DNAH9: variants seen among roughly 807,000 people sequenced by gnomAD.
DNAH9 encodes dynein axonemal heavy chain 9, also known as DNAH9 variant protein.
A neutral mutation model predicts 471.6 loss-of-function variants in DNAH9; 345 were observed. The observed-to-expected ratio is 0.73, with a 90% CI of 0.67 to 0.80. The LOEUF (loss-of-function observed/expected upper bound fraction) is 0.80, where lower values mean the gene tolerates loss of function less well. Among genes scored for constraint, DNAH9 ranks in the 30% least tolerant of loss-of-function variants. The pLI is 0.00. For missense variants in DNAH9, 5,407 were observed against 5,609.2 expected, an observed-to-expected ratio of 0.96 and a Z score of 1.15; for synonymous variants, 2,093 against 2,123.6, an observed-to-expected ratio of 0.99 and a Z score of 0.40.
chr17:11,843,859 G>GTATATATATATA (rs1490566898), intron 49 of DNAH9, among the ~76,000 whole-genome samples: 6,601 of 45,074 alleles, frequency 0.15, 438 homozygotes, highest in Non-Finnish European at 0.17. Context: ...GTGTGTGTGT[G>GTATATATATATA]TGTGTATATA....
intron 1 of DNAH9, among the ~76,000 whole-genome samples, chr17:11,603,798 G>A (rs1439904442): frequency 6.6e-6 from 1 of 152,130 alleles, no homozygotes; most frequent in East Asian, 1.9e-4. Flanking sequence ...CTTCACAGAA[G>A]AGGAATAAAA....
Position 11,612,922 on chromosome 17 carries a change from A to T in DNAH9, c.904+1142A>T, listed in dbSNP as rs1270148773. The T allele has an allele frequency of 2.6e-5, 4 of 152,362 alleles. No individual in the cohort carries two copies. In the East Asian group the frequency reaches 7.7e-4, roughly 29 times the overall value. The allele number at this position is 152,362 out of a possible 1,614,324, so 9.4% of individuals were successfully genotyped here. On this transcript the variant is annotated intron_variant, in intron 4 of 68. Coordinates refer to ENST00000262442, the MANE Select transcript of DNAH9 (RefSeq NM_001372.4). Reference sequence around the variant, plus strand: ...CGAATCCAGGCATGTTTGGTTTAGTAAAAAGGGCAGTGTCCTGTGCCCAGA... The same window carrying T: ...CGAATCCAGGCATGTTTGGTTTAGTTAAAAGGGCAGTGTCCTGTGCCCAGA...
intron 45 of DNAH9, among the ~76,000 whole-genome samples, chr17:11,817,180 C>T (rs1970129366): frequency 6.6e-6 from 1 of 152,212 alleles, no homozygotes; most frequent in Non-Finnish European, 1.5e-5. Flanking sequence ...CAGTTTCCTG[C>T]TTCCAGCATG....
intron 41 of DNAH9, among the ~76,000 whole-genome samples, chr17:11,789,243 T>C (rs1320533218): frequency 2.0e-5 from 3 of 152,112 alleles, no homozygotes; most frequent in Non-Finnish European, 2.9e-5. Flanking sequence ...GTTTCCTCTT[T>C]TTCTGTTCTC....
At chr17:11,721,289 GTTT>G (rs991710733) in intron 27 of DNAH9, among the ~76,000 whole-genome samples, 1 of 151,866 alleles carries the variant, frequency 6.6e-6, no homozygotes, top group African/African-American at 2.4e-5. Flanking sequence ...TTTGTTTTTT[GTTT>G]TTGTTTTTGT....
intron 43 of DNAH9, among the ~76,000 whole-genome samples, chr17:11,805,516 C>G (rs1166035372): frequency 1.6e-5 from 2 of 121,900 alleles, no homozygotes; most frequent in African/African-American, 6.2e-5. Context: ...CAAACTTTAC[C>G]CGAGTTCTTT....
chr17:11,767,320 TGGTTCC>T (rs1967994247), intron 36 of DNAH9, among the ~76,000 whole-genome samples: 1 of 152,232 alleles, frequency 6.6e-6, no homozygotes, highest in African/African-American at 2.4e-5. Flanking sequence ...TCTAGGCTTC[TGGTTCC>T]AGAGAACAAT....
Position 11,750,934 on chromosome 17 carries a change from C to A in DNAH9, c.6611-1899C>A, listed in dbSNP as rs535241568. Among the ~76,000 whole-genome samples the A allele has an allele frequency of 3.3e-5, 5 of 151,988 alleles. 1 individual carries two copies. Among genetic ancestry groups the A allele is most frequent in the African/African-American group, 1.2e-4 (5 of 41,484 alleles). On this transcript the variant is annotated intron_variant, in intron 32 of 68. Transcript: ENST00000262442. ...AATTAGTCACTAGGAGGAACACAAA[C>A]AGATTATATAAAAGATAAATAAATG...
intron 26 of DNAH9, among the ~76,000 whole-genome samples, chr17:11,711,789 T>G (rs1284846261): frequency 6.8e-6 from 1 of 147,118 alleles, no homozygotes; most frequent in Non-Finnish European, 1.5e-5. Context: ...TGGAAAAGTT[T>G]ATATTTTGGT....
At chr17:11,784,783 G>A (rs1183084113) in intron 41 of DNAH9, among the ~76,000 whole-genome samples, 2 of 152,100 alleles carry the variant, frequency 1.3e-5, no homozygotes, top group Non-Finnish European at 2.9e-5. Flanking sequence ...CTCTGAGTTG[G>A]TTCCCTGGGG....
intron 11 of DNAH9, 128 bp from the exon 12 acceptor site, chr17:11,646,944 T>A: frequency 1.2e-6 from 1 of 864,292 alleles, no homozygotes; most frequent in Non-Finnish European, 1.7e-6. Flanking sequence ...GTGGTTACTC[T>A]CAGAAGCTGA....
chr17:11,738,940 G>A lies in DNAH9; in HGVS notation c.5875G>A (p.Glu1959Lys), dbSNP rs756057378. The A allele has an allele frequency of 3.1e-6, 5 of 1,614,076 alleles. 1 individual carries two copies. The South Asian group carries it at 4.4e-5, about 14-fold the overall frequency. The change falls in exon 29 of 69, where the codon GAG becomes AAG. Residue 1959 changes from glutamate (E) to lysine (K), a missense_variant. Coordinates refer to ENST00000262442, the MANE Select transcript of DNAH9 (RefSeq NM_001372.4). ...GCAGTGGTTCAGCTTCCTTGGGGAG[G>A]AGATCAGCCTGAATCCTTCTGTCGG... ...KKQWFSFLGE[E>K]ISLNPSVGIF...
At position 11,855,451 on chromosome 17, in the gene DNAH9, G is replaced by A. The variant is rs927656736; in HGVS notation, c.9933+1023G>A. Among the ~76,000 whole-genome samples, 124 of 152,300 alleles carry A rather than the reference G, an allele frequency of 8.1e-4. 1 individual carries two copies. Among genetic ancestry groups the A allele is most frequent in the African/African-American group, 2.9e-3 (120 of 41,564 alleles). On this transcript the variant is annotated intron_variant, in intron 50 of 68. Coordinates refer to ENST00000262442, the MANE Select transcript of DNAH9 (RefSeq NM_001372.4). ...CTTAGATAATGTGGAGTCTTTGTGT[G>A]AGAAAGGTGAAAGAGAGGTTAATCT... is the stretch of plus-strand genomic sequence containing the variant.
At chr17:11,822,698 A>G (rs1344424742) in intron 47 of DNAH9, 99 bp downstream of exon 47, 3 of 1,589,760 alleles carry the variant, frequency 1.9e-6, no homozygotes, top group African/African-American at 1.3e-5. Flanking sequence ...AGCTTGAAGC[A>G]TAAGTTTCCA....
rs1032257229 is a variant in DNAH9 at position 11,769,475 on chromosome 17, C to G, written c.7552+146C>G. ...ACTTCCTCCCACACGCCCCTTCTCACCTCTCCCTACACACCTCTTTCTGGC... is the reference window on the plus strand; with the variant it reads ...ACTTCCTCCCACACGCCCCTTCTCAGCTCTCCCTACACACCTCTTTCTGGC... On this transcript the variant is annotated intron_variant, in intron 38 of 68. Coordinates refer to ENST00000262442, the MANE Select transcript of DNAH9 (RefSeq NM_001372.4). 4.3e-6 allele frequency: 3 copies of G among 694,138 alleles called. No homozygotes were observed. The Admixed American group carries it at 6.6e-5, about 15-fold the overall frequency. 43.0% of individuals were successfully genotyped at this position (694,138 alleles called of 1,614,324 possible). A position where few individuals can be genotyped will look rare whatever the true frequency, so the allele number is the denominator to read the frequency against.
chr17:11,912,506 G>A (rs941369447), intron 61 of DNAH9, among the ~76,000 whole-genome samples: 1 of 152,062 alleles, frequency 6.6e-6, no homozygotes, highest in African/African-American at 2.4e-5. Flanking sequence ...GTTGAGTTCT[G>A]TTTTATTGTG....
In DNAH9 at chr17:11,779,696, A is replaced by G. The variant is rs190281079; in HGVS notation, c.7553-1313A>G. 3.3e-4 allele frequency among the ~76,000 whole-genome samples: 50 copies of G among 152,364 alleles called. No individual in the cohort carries two copies. The East Asian group carries it at 6.9e-3, about 21-fold the overall frequency. On this transcript the variant is annotated intron_variant, in intron 38 of 68. Transcript: ENST00000262442. ...ATTTCCTATTAGAAGAACTGTTCTC[A>G]AAAGCATGTCCTTGTCAACCCATGA...
At chr17:11,644,240 A>G (rs2073335575) in intron 10 of DNAH9, among the ~76,000 whole-genome samples, 1 of 152,242 alleles carries the variant, frequency 6.6e-6, no homozygotes, top group African/African-American at 2.4e-5. Flanking sequence ...TATGTGGTGC[A>G]TGACTGTATA....
At chr17:11,618,813 A>G (rs192206701) in intron 5 of DNAH9, among the ~76,000 whole-genome samples, 225 of 152,272 alleles carry the variant, frequency 1.5e-3, no homozygotes, top group Middle Eastern at 6.8e-3. Context: ...TATTTATTAT[A>G]TTATTTAAAG....
Sources: gnomAD v4.1 joint callset for allele counts (sites outside exome capture counted in the v4.1 genomes callset) on GRCh38, gnomAD v4.1.1 for gene constraint, MANE v1.5 for transcripts, NCBI Gene and HGNC (gene_info 2026-07-23, HGNC 2026-07-21) for gene names.